Variants in CEP83 observed in about 807,000 individuals in gnomAD.
CEP83 encodes the protein centrosomal protein 83.
Under a neutral mutation model 101.9 loss-of-function variants are expected in CEP83, and 70 were observed. The observed-to-expected ratio is 0.69, with a 90% CI of 0.57 to 0.84. The LOEUF is 0.84. CEP83 is among the 40% of genes least tolerant of loss of function. The pLI is 0.00. For synonymous variants in CEP83, 264 were observed against 267.9 expected (o/e 0.99, Z 0.14); for missense variants, 715 against 787.2 (o/e 0.91, Z 1.10).
chr12:94,407,459 C>T (rs1435674358), intron 4 of CEP83, among the ~76,000 whole-genome samples: 1 of 152,176 alleles, frequency 6.6e-6, no homozygotes, highest in East Asian at 1.9e-4. Context: ...ATCCATGCAG[C>T]TTCTAGCATT....
chr12:94,313,108 G>A, intron 14 of CEP83, 91 bp from the exon 15 acceptor site: 1 of 565,298 alleles, frequency 1.8e-6, no homozygotes, highest in East Asian at 3.1e-5. Flanking sequence ...CAAAAACTGT[G>A]TTTAGATATG....
At chr12:94,439,887 A>C (rs984752014) in intron 1 of CEP83, among the ~76,000 whole-genome samples, 2 of 152,260 alleles carry the variant, frequency 1.3e-5, no homozygotes, top group African/African-American at 2.4e-5. Flanking sequence ...TTGGCTTAAC[A>C]AATGGAAGTC....
At chr12:94,296,407 T>C in the CEP83 span, among the ~76,000 whole-genome samples, 1 of 152,206 alleles carries the variant, frequency 6.6e-6, no homozygotes. Flanking sequence ...GCAGTCCTCC[T>C]GCCTTGGCTT....
At chr12:94,360,434 A>G (rs899533471) in intron 11 of CEP83, among the ~76,000 whole-genome samples, 1 of 152,086 alleles carries the variant, frequency 6.6e-6, no homozygotes, top group Non-Finnish European at 1.5e-5. Context: ...TCAGGATAAA[A>G]AAACTCAACA....
At chr12:94,453,613 A>G (rs1346459750) in intron 1 of CEP83, among the ~76,000 whole-genome samples, 1 of 152,246 alleles carries the variant, frequency 6.6e-6, no homozygotes, top group Non-Finnish European at 1.5e-5. Flanking sequence ...CATGAGACAC[A>G]TAATAGGCAC....
At chr12:94,439,993 T>A (rs989563789) in intron 1 of CEP83, among the ~76,000 whole-genome samples, 1 of 152,196 alleles carries the variant, frequency 6.6e-6, no homozygotes, top group Non-Finnish European at 1.5e-5. Flanking sequence ...GATCCCTTTA[T>A]GATTAAAACC....
At chr12:94,448,339 G>A (rs190112389) in intron 1 of CEP83, among the ~76,000 whole-genome samples, 6 of 152,116 alleles carry the variant, frequency 3.9e-5, no homozygotes, top group Non-Finnish European at 4.4e-5. Flanking sequence ...AGAGAAATAG[G>A]TAATTCAACA....
At chr12:94,320,528 T>G (rs1211550727) in intron 14 of CEP83, among the ~76,000 whole-genome samples, 1 of 152,128 alleles carries the variant, frequency 6.6e-6, no homozygotes, top group Non-Finnish European at 1.5e-5. Context: ...TAACCATCTT[T>G]CTATATTTAG....
At chr12:94,346,090 G>T (rs1053102326) in intron 11 of CEP83, among the ~76,000 whole-genome samples, 12 of 152,138 alleles carry the variant, frequency 7.9e-5, no homozygotes, top group African/African-American at 2.9e-4. Flanking sequence ...TTGCTCTGCT[G>T]CCCAGGCTGG....
intron 2 of CEP83, among the ~76,000 whole-genome samples, chr12:94,420,699 C>T (rs1282476901): frequency 6.6e-6 from 1 of 152,068 alleles, no homozygotes; most frequent in African/African-American, 2.4e-5. Context: ...CTGGACACCC[C>T]TGCTATAGAT....
Position 94,385,795 on chromosome 12 carries a change from A to T in CEP83, c.550-6753T>A, listed in dbSNP as rs114868778. 1.3e-3 allele frequency among the ~76,000 whole-genome samples: 203 copies of T among 152,322 alleles called. 1 individual carries two copies. The highest frequency in any genetic ancestry group is 4.7e-3 in the African/African-American group (195 of 41,582). On this transcript the variant is annotated intron_variant, in intron 6 of 16. Coordinates refer to ENST00000397809, the MANE Select transcript of CEP83 (RefSeq NM_016122.3). ...AGATATAGTAATGAGCCACATAATGAAGTTTCAGTCAACAACAGTCCACAT... is the reference window on the plus strand; with the variant it reads ...AGATATAGTAATGAGCCACATAATGTAGTTTCAGTCAACAACAGTCCACAT...
At chr12:94,389,382 A>G (rs1187695749) in intron 6 of CEP83, among the ~76,000 whole-genome samples, 1 of 152,216 alleles carries the variant, frequency 6.6e-6, no homozygotes, top group African/African-American at 2.4e-5. Context: ...TTAAGTATCT[A>G]CTATGTGTCA....
the CEP83 span, among the ~76,000 whole-genome samples, chr12:94,286,954 CCCCACATTGCTGGCAGGG>C: frequency 2.0e-5 from 3 of 152,176 alleles, no homozygotes; most frequent in Admixed American, 6.5e-5. Flanking sequence ...GCCCCCAGAG[CCCCACATTGCTGGCAGGG>C]CCCTGTCACC....
In CEP83 at chr12:94,308,957, T is replaced by A. The variant is rs145578917; in HGVS notation, c.2002-40A>T. 1.7e-3 allele frequency: 2,462 copies of A among 1,442,330 alleles called. 7 individuals are homozygous for A. The highest frequency in any genetic ancestry group is 2.1e-3 in the Non-Finnish European group (2,130 of 1,026,414). The allele number at this position is 1,442,330 out of a possible 1,614,324, so 89.3% of individuals were successfully genotyped here. ...GAGAAAGCATAGCAAAAGAAACTAT[T>A]AGAAAAACTGTTAGGTAGCAACCTT... is the stretch of plus-strand genomic sequence containing the variant. On this transcript the variant is annotated intron_variant, in intron 16 of 16. Coordinates refer to ENST00000397809, the MANE Select transcript of CEP83 (RefSeq NM_016122.3).
chr12:94,308,252 T>G lies in CEP83; in HGVS notation c.*561A>C, dbSNP rs1969284025. The G allele has an allele frequency of 6.6e-6, 1 of 152,322 alleles. No homozygotes were observed. The highest frequency in any genetic ancestry group is 1.5e-5 in the Non-Finnish European group (1 of 68,116). 9.4% of individuals were successfully genotyped at this position (152,322 alleles called of 1,614,324 possible). On this transcript the variant is annotated 3_prime_UTR_variant, in exon 17 of 17. Transcript: ENST00000397809. ...CTGTCATATTGCTAAATATATGCTA[T>G]ATGGTTGATGTAAAATTAAACACAC...
Position 94,403,281 on chromosome 12 carries a change from C to T in CEP83, c.325-19G>A, listed in dbSNP as rs763595373. ...TTAATATCTAATATGTAGAGAAATGCAAACAATATAAAATCACATTAAAAT... is the reference window on the plus strand; with the variant it reads ...TTAATATCTAATATGTAGAGAAATGTAAACAATATAAAATCACATTAAAAT... On this transcript the variant is annotated intron_variant, in intron 4 of 16. Coordinates refer to ENST00000397809, the MANE Select transcript of CEP83 (RefSeq NM_016122.3). 9.6e-7 allele frequency: 1 copy of T among 1,046,998 alleles called. No individual in the cohort carries two copies. 64.9% of individuals were successfully genotyped at this position (1,046,998 alleles called of 1,614,324 possible). A position where few individuals can be genotyped will look rare whatever the true frequency, so the allele number is the denominator to read the frequency against.
chr12:94,353,839 A>G (rs553128671), intron 11 of CEP83, among the ~76,000 whole-genome samples: 42 of 145,730 alleles, frequency 2.9e-4, no homozygotes, highest in African/African-American at 1.0e-3. Flanking sequence ...AAAGTTTGTC[A>G]CACTGTAAAA....
At chr12:94,434,735 T>G (rs1347965625) in intron 2 of CEP83, among the ~76,000 whole-genome samples, 1 of 152,252 alleles carries the variant, frequency 6.6e-6, no homozygotes, top group Non-Finnish European at 1.5e-5. Flanking sequence ...GACGCAAGTC[T>G]AAACATAAAA....
intron 2 of CEP83, chr12:94,424,305 G>C: frequency 1.2e-6 from 2 of 1,614,110 alleles, no homozygotes; most frequent in Admixed American, 3.3e-5. Flanking sequence ...CGTTTCTTTG[G>C]CCCGCCATCA....
Sources: gnomAD v4.1 joint callset for allele counts (sites outside exome capture counted in the v4.1 genomes callset) on GRCh38, gnomAD v4.1.1 for gene constraint, MANE v1.5 for transcripts, NCBI Gene and HGNC (gene_info 2026-07-23, HGNC 2026-07-21) for gene names.